LRRC49: variants seen among roughly 807,000 people sequenced by gnomAD.
The protein encoded by LRRC49 is leucine-rich repeat-containing protein 49.
LRRC49 carries 50 observed loss-of-function variants against 83.3 expected under a neutral mutation model. The observed-to-expected ratio is 0.60, with a 90% confidence interval of 0.48 to 0.76. LRRC49 has a LOEUF of 0.76. Among genes scored for constraint, LRRC49 ranks in the 30% least tolerant of loss-of-function variants. The pLI, the probability that LRRC49 is intolerant of heterozygous loss-of-function variation, is 0.00. For missense variants in LRRC49, 704 were observed against 809.1 expected (o/e 0.87, Z 1.58); for synonymous variants, 286 against 283.3 (o/e 1.01, Z -0.10).
intron 5 of LRRC49, chr15:70,907,728 C>T: frequency 6.7e-6 from 2 of 297,354 alleles, no homozygotes; most frequent in East Asian, 7.9e-5. Flanking sequence ...ATAATGTGGC[C>T]TGCGGAGACA....
chr15:70,909,289 C>A (rs548890644), intron 5 of LRRC49, among the ~76,000 whole-genome samples: 1 of 152,200 alleles, frequency 6.6e-6, no homozygotes, highest in African/African-American at 2.4e-5. Context: ...AAAGCTGGTT[C>A]AAAGGAGAGT....
chr15:70,866,014 G>T (rs2032901869), intron 1 of LRRC49, among the ~76,000 whole-genome samples: 1 of 152,046 alleles, frequency 6.6e-6, no homozygotes, highest in Non-Finnish European at 1.5e-5. Context: ...TTTAACATCT[G>T]AATTTCCCAA....
At chr15:70,897,340 C>T (rs967555657) in intron 3 of LRRC49, among the ~76,000 whole-genome samples, 1 of 152,010 alleles carries the variant, frequency 6.6e-6, no homozygotes, top group African/African-American at 2.4e-5. Context: ...TATGAATTAA[C>T]TCTTTAGGAA....
intron 11 of LRRC49, 155 bp downstream of exon 11, chr15:70,984,412 T>C: frequency 1.6e-6 from 1 of 628,298 alleles, no homozygotes; most frequent in South Asian, 2.6e-5. Context: ...AAAATATAAA[T>C]CTTACTATAA....
chr15:71,007,308 A>G (rs2038491437), intron 11 of LRRC49, among the ~76,000 whole-genome samples: 1 of 152,026 alleles, frequency 6.6e-6, no homozygotes, highest in African/African-American at 2.4e-5. Flanking sequence ...GTCCCCAAAG[A>G]TGAAAAAATA....
Position 71,023,956 on chromosome 15 carries a change from C to G in LRRC49, c.1703+11043C>G, listed in dbSNP as rs1313964227. ...GAGCTTCCCAGGGGAGGGGCAGATG[C>G]CATCACTGCATCTGACTGCTGCCTA... On this transcript the variant is annotated intron_variant, in intron 14 of 15. Transcript: ENST00000260382. 2.0e-5 allele frequency among the ~76,000 whole-genome samples: 3 copies of G among 152,190 alleles called. No homozygotes were observed. The East Asian group carries it at 5.8e-4, about 29-fold the overall frequency.
At chr15:70,916,325 C>T (rs969976141) in intron 6 of LRRC49, among the ~76,000 whole-genome samples, 4 of 152,006 alleles carry the variant, frequency 2.6e-5, no homozygotes, top group Admixed American at 2.0e-4. Flanking sequence ...GGTGGAGTTT[C>T]GCTCTGTCGC....
intron 14 of LRRC49, among the ~76,000 whole-genome samples, chr15:71,021,542 C>T (rs572779956): frequency 7.2e-5 from 11 of 152,298 alleles, no homozygotes; most frequent in African/African-American, 2.2e-4. Context: ...GTGACAAACA[C>T]CCCAAATCTT....
At chr15:70,892,791 T>C (rs2033638168), upstream of LRRC49, 2 of 1,611,242 alleles carry the variant, frequency 1.2e-6, no homozygotes, top group African/African-American at 2.7e-5. Flanking sequence ...ATGGTAACCC[T>C]GAGCAGGTTG....
chr15:70,873,363 G>T, intron 2 of LRRC49: 1 of 942,264 alleles, frequency 1.1e-6, no homozygotes, highest in South Asian at 1.5e-5. Flanking sequence ...GTCATGGTGA[G>T]GAGGGAACAG....
At chr15:70,962,792 G>A (rs1199873094) in intron 8 of LRRC49, among the ~76,000 whole-genome samples, 1 of 152,030 alleles carries the variant, frequency 6.6e-6, no homozygotes, top group Non-Finnish European at 1.5e-5. Context: ...CAAGGAGGAG[G>A]AGCTTAACTT....
At chr15:70,989,825 C>T (rs2037790188) in intron 11 of LRRC49, among the ~76,000 whole-genome samples, 5 of 152,124 alleles carry the variant, frequency 3.3e-5, no homozygotes, top group Admixed American at 2.6e-4. Flanking sequence ...GATGTCCTTT[C>T]TGTTTGTTAG....
intron 7 of LRRC49, among the ~76,000 whole-genome samples, chr15:70,926,685 C>T (rs1344421141): frequency 1.3e-5 from 2 of 150,520 alleles, no homozygotes; most frequent in Admixed American, 1.3e-4. Context: ...CACCCCACAA[C>T]AGGCCCCAGT....
intron 8 of LRRC49, among the ~76,000 whole-genome samples, chr15:70,947,523 C>G (rs919915760): frequency 6.6e-6 from 1 of 152,116 alleles, no homozygotes; most frequent in Non-Finnish European, 1.5e-5. Context: ...GAAAAGCCAA[C>G]AGCTTGAGAA....
At chr15:70,950,786 T>C (rs1257708492) in intron 8 of LRRC49, among the ~76,000 whole-genome samples, 1 of 152,154 alleles carries the variant, frequency 6.6e-6, no homozygotes, top group African/African-American at 2.4e-5. Flanking sequence ...TGTCAATTTT[T>C]TGTTTTGTTG....
At chr15:70,895,758 G>GT (rs1258162468) in intron 2 of LRRC49, 91 bp from the exon 3 acceptor site, 3 of 696,988 alleles carry the variant, frequency 4.3e-6, no homozygotes, top group Non-Finnish European at 7.3e-6. Context: ...TGTACCATGT[G>GT]TATCAGTTAT....
At chr15:70,927,060 G>T (rs962142771) in intron 7 of LRRC49, among the ~76,000 whole-genome samples, 3 of 152,082 alleles carry the variant, frequency 2.0e-5, no homozygotes, top group Non-Finnish European at 4.4e-5. Context: ...TTAGAATGGC[G>T]ATCATTAAAT....
intron 11 of LRRC49, among the ~76,000 whole-genome samples, chr15:70,990,396 C>G (rs956163412): frequency 1.3e-5 from 2 of 152,170 alleles, no homozygotes. Context: ...GACTGCTGTG[C>G]TAGCAATCAG....
intron 2 of LRRC49, among the ~76,000 whole-genome samples, chr15:70,879,435 A>T (rs1002984176): frequency 6.6e-6 from 1 of 152,116 alleles, no homozygotes; most frequent in African/African-American, 2.4e-5. Flanking sequence ...GACATTTTGG[A>T]TGATAAATTG....
Sources: gnomAD v4.1 joint callset for allele counts (sites outside exome capture counted in the v4.1 genomes callset) on GRCh38, gnomAD v4.1.1 for gene constraint, MANE v1.5 for transcripts, NCBI Gene and HGNC (gene_info 2026-07-23, HGNC 2026-07-21) for gene names.